PNPLA7: variants seen among roughly 807,000 people sequenced by gnomAD.
PNPLA7 encodes the protein patatin like domain 7, lysophospholipase.
A neutral mutation model predicts 161.7 loss-of-function variants in PNPLA7; 153 were observed. The ratio of observed to expected loss-of-function variants is 0.95; its 90% CI spans 0.83 to 1.08. PNPLA7 has a LOEUF of 1.08. PNPLA7 is among the 50% of genes least tolerant of loss of function. PNPLA7 has a pLI of 0.00. For missense variants in PNPLA7, 1,739 were observed against 1,856.6 expected, an observed-to-expected ratio of 0.94 and a Z score of 1.16; for synonymous variants, 809 against 782.1, an observed-to-expected ratio of 1.03 and a Z score of -0.57.
At chr9:137,496,998 G>A (rs1336733782) in intron 18 of PNPLA7, among the ~76,000 whole-genome samples, 189 bp downstream of exon 18, 1 of 152,194 alleles carries the variant, frequency 6.6e-6, no homozygotes, top group Non-Finnish European at 1.5e-5. Flanking sequence ...CAAAGCAGCC[G>A]CGGGGAGTCC....
At chr9:137,504,690 G>A (rs1588628992) in intron 14 of PNPLA7, among the ~76,000 whole-genome samples, 1 of 152,012 alleles carries the variant, frequency 6.6e-6, no homozygotes, top group Non-Finnish European at 1.5e-5. Flanking sequence ...ACGACACCGT[G>A]GTGATGCCTC....
In PNPLA7 at chr9:137,479,973, G is replaced by A. The variant is rs180908730; in HGVS notation, c.2580+339C>T. ...AACGACGCCGACACCTAAGTGCTGTGGAGAAAAGCAAACTTCAGATGACAC... is the reference window on the plus strand; with the variant it reads ...AACGACGCCGACACCTAAGTGCTGTAGAGAAAAGCAAACTTCAGATGACAC... On this transcript the variant is annotated intron_variant, in intron 23 of 34. Transcript: ENST00000406427. 1.9e-5 allele frequency: 17 copies of A among 894,376 alleles called. No individual in the cohort carries two copies. The East Asian group carries it at 1.6e-3, about 82-fold the overall frequency. The allele number at this position is 894,376 out of a possible 1,614,324, so 55.4% of individuals were successfully genotyped here.
chr9:137,519,407 C>G (rs1487666599), intron 11 of PNPLA7, among the ~76,000 whole-genome samples: 1 of 119,332 alleles, frequency 8.4e-6, no homozygotes, highest in Non-Finnish European at 1.8e-5. Flanking sequence ...AGGCCAAGCA[C>G]GCAGGGAGAA....
intron 8 of PNPLA7, among the ~76,000 whole-genome samples, chr9:137,527,652 T>A (rs1452330957): frequency 6.6e-6 from 1 of 152,220 alleles, no homozygotes; most frequent in African/African-American, 2.4e-5. Context: ...GACTCAAATC[T>A]CTAATATTTC....
chr9:137,505,924 G>A, intron 13 of PNPLA7, 59 bp downstream of exon 13: 2 of 1,549,466 alleles, frequency 1.3e-6, no homozygotes, highest in South Asian at 2.3e-5. Context: ...CAATGCACCA[G>A]CAAGCCACGG....
At position 137,546,414 on chromosome 9, in the gene PNPLA7, C is replaced by CT. The variant is rs142993640; in HGVS notation, c.273+415dup. On this transcript the variant is annotated intron_variant, in intron 4 of 34. Transcript: ENST00000406427. The stretch of plus-strand genomic sequence containing the variant: ...GGTCCCCAGGACCCAGCTGTCTTTT[C>CT]TTTTATCTTTTTGTCTTGTGTCTTT... 3.7e-3 allele frequency among the ~76,000 whole-genome samples: 568 copies of CT among 152,136 alleles called. 8 individuals carry two copies. Among genetic ancestry groups the CT allele is most frequent in the East Asian group, 0.021 (111 of 5,174 alleles).
At chr9:137,469,693 G>A (rs1334176232) in intron 25 of PNPLA7, among the ~76,000 whole-genome samples, 1 of 152,088 alleles carries the variant, frequency 6.6e-6, no homozygotes, top group Non-Finnish European at 1.5e-5. Flanking sequence ...AAATAACAAA[G>A]ATAAGAGCAT....
chr9:137,522,402 G>C (rs1312449178), intron 9 of PNPLA7, among the ~76,000 whole-genome samples: 1 of 151,270 alleles, frequency 6.6e-6, no homozygotes, highest in Non-Finnish European at 1.5e-5. Flanking sequence ...GTGTGAGCCA[G>C]GATGGTCTCG....
In PNPLA7 at chr9:137,466,376, G is replaced by C. The variant is rs1436566571; in HGVS notation, c.3039+941C>G. ...CCAACTCAGACCCGGGCACAGATCA[G>C]ACCACTTCCCACCACCATCTCCACC... On this transcript the variant is annotated intron_variant, in intron 26 of 34. Coordinates refer to ENST00000406427, the MANE Select transcript of PNPLA7 (RefSeq NM_001098537.3). 3.4e-5 allele frequency among the ~76,000 whole-genome samples: 5 copies of C among 147,328 alleles called. No homozygotes were observed. In the South Asian group the frequency reaches 6.5e-4, roughly 19 times the overall value.
chr9:137,524,275 G>T lies in PNPLA7; in HGVS notation c.748-1418C>A, dbSNP rs1431388861. On this transcript the variant is annotated intron_variant, in intron 8 of 34. Transcript: ENST00000406427. This position sits in a 1 kb window ranked among gnomAD's most constrained non-coding sequence, Gnocchi z 4.4. ...GGTGGCATGTCTGACAGAGGTCTCT[G>T]CCTTGACTCCCAAGTGCTGGCTGTC... is the stretch of plus-strand genomic sequence containing the variant. Among the ~76,000 whole-genome samples the T allele has an allele frequency of 6.6e-6, 1 of 152,168 alleles. No homozygotes were observed. The highest frequency in any genetic ancestry group is 2.4e-5 in the African/African-American group (1 of 41,452).
intron 25 of PNPLA7, among the ~76,000 whole-genome samples, chr9:137,475,070 T>G (rs1288990203): frequency 5.8e-5 from 8 of 136,806 alleles, no homozygotes; most frequent in African/African-American, 2.2e-4. Context: ...AAGAGGGAGG[T>G]AAACATTTTC....
intron 20 of PNPLA7, chr9:137,492,100 G>T (rs1210935568): frequency 1.0e-5 from 10 of 985,306 alleles, no homozygotes; most frequent in Non-Finnish European, 1.2e-5. Flanking sequence ...GAGTCCTTGA[G>T]TATGTGGGAC....
chr9:137,475,010 CAAAAAAAAAAAAA>C lies in PNPLA7; in HGVS notation c.2882+3011_2882+3023del, dbSNP rs58417100. On this transcript the variant is annotated intron_variant, in intron 25 of 34. Coordinates refer to ENST00000406427, the MANE Select transcript of PNPLA7 (RefSeq NM_001098537.3). ...ACTGCGACAGAACAAGACTCTGCCT[CAAAAAAAAAAAAA>C]AAAAAAAAAGAAGCTCCAGGAAGAG... 1.3e-4 allele frequency among the ~76,000 whole-genome samples: 8 copies of C among 63,612 alleles called. 1 individual carries two copies. The highest frequency in any genetic ancestry group is 5.5e-4 in the African/African-American group (8 of 14,614). The allele number at this position is 63,612 out of a possible 152,430, so 41.7% of individuals were successfully genotyped here.
At chr9:137,517,987 C>G (rs1834714364) in intron 11 of PNPLA7, among the ~76,000 whole-genome samples, 2 of 118,592 alleles carry the variant, frequency 1.7e-5, no homozygotes, top group African/African-American at 7.2e-5. Flanking sequence ...CCCCCACTCA[C>G]TCACTCCACT....
At position 137,498,183 on chromosome 9, in the gene PNPLA7, G is replaced by A. The variant is rs539382882; in HGVS notation, c.1820C>T (p.Ser607Leu). ...AAAGTCGATTTGCCGCACGAAGGACGACATCCTCTTCACCACAGTGTGCGC... is the reference window on the plus strand; with the variant it reads ...AAAGTCGATTTGCCGCACGAAGGACAACATCCTCTTCACCACAGTGTGCGC... ...GVAHTVVKRMSSFVRQIDFAL... is the reference protein window; with the variant it reads ...GVAHTVVKRMLSFVRQIDFAL... Residue 607 changes from serine to leucine, a missense_variant, in exon 17 of 35, where the codon TCG (serine) becomes TTG (leucine). By Grantham distance (145) the Ser-to-Leu change is moderately radical. Coordinates refer to ENST00000406427, the MANE Select transcript of PNPLA7 (RefSeq NM_001098537.3). The A allele has an allele frequency of 2.3e-5, 37 of 1,612,874 alleles. No individual in the cohort carries two copies. Among genetic ancestry groups the A allele is most frequent in the East Asian group, 1.1e-4 (5 of 44,888 alleles).
chr9:137,530,564 A>G (rs1331423706), intron 8 of PNPLA7, among the ~76,000 whole-genome samples: 2 of 152,224 alleles, frequency 1.3e-5, no homozygotes, highest in East Asian at 3.8e-4. Flanking sequence ...ATGACTATCC[A>G]CAGTCTACTG....
intron 25 of PNPLA7, among the ~76,000 whole-genome samples, chr9:137,477,580 C>T (rs1831997797): frequency 1.3e-5 from 2 of 152,238 alleles, no homozygotes; most frequent in South Asian, 4.1e-4. Context: ...CTCCAAGCAG[C>T]TGGGACTACA....
chr9:137,542,623 C>A lies in PNPLA7; in HGVS notation c.666+19G>T. 1.3e-6 allele frequency: 2 copies of A among 1,571,222 alleles called. No individual in the cohort carries two copies. Among genetic ancestry groups the A allele is most frequent in the Non-Finnish European group, 1.7e-6 (2 of 1,151,568 alleles). ...AAATGCGCAGCCGCCTGACCCCGCCCCGCCGCCCTGCGACTCACAGTGTCC... is the reference window on the plus strand; with the variant it reads ...AAATGCGCAGCCGCCTGACCCCGCCACGCCGCCCTGCGACTCACAGTGTCC... On this transcript the variant is annotated intron_variant, in intron 7 of 34. Transcript: ENST00000406427.
rs371479812 is a variant in PNPLA7, at chr9:137,515,505, G to A, written c.1099C>T (p.Arg367Cys). The stretch of plus-strand genomic sequence containing the variant: ...AGCAGGGGCCCAGCAGCTGCCGGGC[G>A]GCCGCCCCCGTGATCTGCTGGGGAG... ...ESCDSDHGGGRPAAAGPLLKR... is the reference protein window; with the variant it reads ...ESCDSDHGGGCPAAAGPLLKR... Residue 367 changes from arginine (R) to cysteine (C), a missense_variant, in exon 12 of 35, where the codon CGC becomes TGC. By Grantham distance (180) the Arg-to-Cys change is radical. Transcript: ENST00000406427. 2.1e-5 allele frequency: 33 copies of A among 1,556,576 alleles called. No individual in the cohort carries two copies. Among genetic ancestry groups the A allele is most frequent in the Admixed American group, 1.2e-4 (6 of 49,504 alleles).
Sources: allele counts gnomAD v4.1 joint callset (sites outside exome capture counted in the v4.1 genomes callset), GRCh38; gene constraint gnomAD v4.1.1; non-coding constraint Gnocchi (gnomAD v3.1); transcripts MANE v1.5; gene names NCBI Gene and HGNC (gene_info 2026-07-23, HGNC 2026-07-21).